The following FMN1 variants were observed in gnomAD, a reference collection of about 807,000 sequenced individuals.
FMN1 encodes formin 1.
In FMN1, 110 loss-of-function variants were observed where a neutral mutation model predicts 132.4. The ratio of observed to expected loss-of-function variants is 0.83; its 90% CI spans 0.71 to 0.97. FMN1 has a LOEUF of 0.97. Ranked by LOEUF, FMN1 falls within the 50% of genes least tolerant of loss-of-function variation. FMN1 has a pLI of 0.00. For synonymous variants in FMN1, 722 were observed against 651.7 expected (o/e 1.11, Z -1.64); for missense variants, 1,792 against 1,705.3 (o/e 1.05, Z -0.90).
intron 16 of FMN1, among the ~76,000 whole-genome samples, chr15:32,871,404 T>C (rs1249951664): frequency 6.6e-6 from 1 of 152,204 alleles, no homozygotes; most frequent in Non-Finnish European, 1.5e-5. Flanking sequence ...TATTAACATA[T>C]CATGCACACA....
chr15:33,072,932 AAAAAAC>A (rs1347581650), intron 5 of FMN1, among the ~76,000 whole-genome samples: 1 of 151,896 alleles, frequency 6.6e-6, no homozygotes, highest in Non-Finnish European at 1.5e-5. Context: ...CAAAAAAAAA[AAAAAAC>A]AAAAACAGAA....
chr15:32,821,394 C>G (rs949995742), intron 17 of FMN1, among the ~76,000 whole-genome samples: 15 of 150,550 alleles, frequency 1.0e-4, no homozygotes, highest in African/African-American at 3.7e-4. Flanking sequence ...TTCATTTTTC[C>G]TTTACTGGTT....
chr15:33,080,485 G>T (rs867645435), intron 5 of FMN1, among the ~76,000 whole-genome samples: 11 of 152,342 alleles, frequency 7.2e-5, no homozygotes, highest in South Asian at 4.1e-4. Context: ...AGGTGCAGTG[G>T]CTAATGCCTG....
chr15:33,075,560 G>C (rs980119545), intron 5 of FMN1, among the ~76,000 whole-genome samples: 2 of 152,164 alleles, frequency 1.3e-5, no homozygotes, highest in African/African-American at 4.8e-5. Flanking sequence ...CACTTGAGAA[G>C]AGAATAAAGT....
intron 4 of FMN1, among the ~76,000 whole-genome samples, chr15:33,091,304 C>CA (rs2038895004): frequency 6.6e-6 from 1 of 152,198 alleles, no homozygotes; most frequent in African/African-American, 2.4e-5. Flanking sequence ...TGCAAACACA[C>CA]ATGCAAACCC....
rs535240455 is a variant in FMN1, at chr15:32,801,655, C to T, written c.3980+2626G>A. Among the ~76,000 whole-genome samples the T allele has an allele frequency of 1.4e-3, 207 of 152,192 alleles. 1 individual carries two copies. The South Asian group carries it at 0.021, about 16-fold the overall frequency. On this transcript the variant is annotated intron_variant, in intron 18 of 20. Transcript: ENST00000616417. ...AACAAACAAAAAAAAATTATTCAGG[C>T]GTGGTGGTAGGCACCTGCAGGCCCA...
At chr15:33,163,767 G>A (rs1381118584) in intron 3 of FMN1, among the ~76,000 whole-genome samples, 3 of 151,806 alleles carry the variant, frequency 2.0e-5, no homozygotes, top group South Asian at 4.2e-4. Flanking sequence ...ACAGGCAGCC[G>A]CCATCATGCT....
intron 6 of FMN1, among the ~76,000 whole-genome samples, chr15:33,058,976 G>C (rs1032804138): frequency 6.6e-6 from 1 of 152,140 alleles, no homozygotes; most frequent in Non-Finnish European, 1.5e-5. Context: ...CTGTGCAACA[G>C]ATCACAAAAT....
chr15:33,180,737 C>T (rs1411496462), intron 2 of FMN1, among the ~76,000 whole-genome samples: 1 of 144,152 alleles, frequency 6.9e-6, no homozygotes. Flanking sequence ...AGAGGCTCTC[C>T]TGCTGCCTTT....
chr15:32,859,663 T>G (rs1003316270), intron 16 of FMN1, among the ~76,000 whole-genome samples: 2 of 152,242 alleles, frequency 1.3e-5, no homozygotes, highest in African/African-American at 4.8e-5. Context: ...CATTAATCCC[T>G]GAGAAGTCAT....
At chr15:32,964,503 G>A (rs1019131584) in intron 8 of FMN1, among the ~76,000 whole-genome samples, 1 of 152,204 alleles carries the variant, frequency 6.6e-6, no homozygotes, top group Non-Finnish European at 1.5e-5. Flanking sequence ...ATCAAAGATA[G>A]AGCTCTACAG....
At chr15:32,807,464 C>G (rs140550231) in intron 17 of FMN1, among the ~76,000 whole-genome samples, 1,562 of 152,290 alleles carry the variant, frequency 0.01, 13 homozygotes, top group Non-Finnish European at 0.016. Flanking sequence ...GTGATCTGTT[C>G]TTCTCCAGTG....
At chr15:33,119,921 TGTC>T in intron 4 of FMN1, among the ~76,000 whole-genome samples, 1 of 152,240 alleles carries the variant, frequency 6.6e-6, no homozygotes, top group East Asian at 1.9e-4. Flanking sequence ...GTTTATATTG[TGTC>T]TTCTATCTAA....
chr15:32,872,716 T>C (rs1232399608), intron 16 of FMN1, among the ~76,000 whole-genome samples: 1 of 152,190 alleles, frequency 6.6e-6, no homozygotes, highest in Non-Finnish European at 1.5e-5. Flanking sequence ...GTGATTAAGA[T>C]ACACAAGGCC....
intron 17 of FMN1, among the ~76,000 whole-genome samples, chr15:32,852,263 G>C (rs1275576685): frequency 6.6e-6 from 1 of 152,130 alleles, no homozygotes; most frequent in Admixed American, 6.5e-5. Flanking sequence ...AGAAAAAGGA[G>C]TTACCCTATT....
At chr15:33,104,495 C>CCA (rs4041525) in intron 4 of FMN1, among the ~76,000 whole-genome samples, 54,773 of 151,706 alleles carry the variant, frequency 0.36, 11,529 homozygotes, top group East Asian at 0.67. Flanking sequence ...AAAGCCACAA[C>CCA]CACCCTGGTA....
At chr15:32,957,513 C>T (rs2029947324) in intron 9 of FMN1, among the ~76,000 whole-genome samples, 1 of 151,802 alleles carries the variant, frequency 6.6e-6, no homozygotes, top group Non-Finnish European at 1.5e-5. Flanking sequence ...TACTAGATGT[C>T]CGAATGTATC....
At chr15:32,959,043 CAA>C (rs36081835) in intron 9 of FMN1, among the ~76,000 whole-genome samples, 24,483 of 83,900 alleles carry the variant, frequency 0.29, 3,048 homozygotes, top group African/African-American at 0.47. Flanking sequence ...AACACTGTCT[CAA>C]AAAAAAAAAA....
Position 32,995,099 on chromosome 15 carries a change from C to CATATAT in FMN1, c.2223+12909_2223+12914dup, listed in dbSNP as rs56842353. 2.3e-4 allele frequency among the ~76,000 whole-genome samples: 35 copies of CATATAT among 150,492 alleles called. 1 individual carries two copies. The highest frequency in any genetic ancestry group is 8.5e-4 in the African/African-American group (35 of 41,124). ...AAATACTCAGCCTATCACACAGAAG[C>CATATAT]ATATATATATATATGTATATATGCA... is the stretch of plus-strand genomic sequence containing the variant. On this transcript the variant is annotated intron_variant, in intron 7 of 20. Transcript: ENST00000616417.
Sources: allele counts gnomAD v4.1 joint callset (sites outside exome capture counted in the v4.1 genomes callset), GRCh38; gene constraint gnomAD v4.1.1; transcripts MANE v1.5; gene names NCBI Gene and HGNC (gene_info 2026-07-23, HGNC 2026-07-21).